Variants in ALK observed in about 807,000 individuals in gnomAD.
ALK encodes the protein ALK tyrosine kinase receptor.
A neutral mutation model predicts 163.1 loss-of-function variants in ALK; 74 were observed. The observed-to-expected ratio is 0.45, with a 90% CI of 0.38 to 0.55. The LOEUF (loss-of-function observed/expected upper bound fraction) is 0.55, where lower values mean the gene tolerates loss of function less well. Among genes scored for constraint, ALK ranks in the 20% least tolerant of loss-of-function variants. ALK has a pLI of 0.00. For synonymous variants in ALK, 960 were observed against 843.2 expected, an observed-to-expected ratio of 1.14 and a Z score of -2.40; for missense variants, 2,063 against 2,105.3, an observed-to-expected ratio of 0.98 and a Z score of 0.39.
intron 1 of ALK, among the ~76,000 whole-genome samples, chr2:29,883,053 A>G (rs941606064): frequency 6.6e-6 from 1 of 151,704 alleles, no homozygotes; most frequent in Non-Finnish European, 1.5e-5. Context: ...AAGGGAGCAG[A>G]GGGTGAGAGA....
chr2:29,480,660 G>T (rs1481036298), intron 4 of ALK, among the ~76,000 whole-genome samples: 1 of 152,032 alleles, frequency 6.6e-6, no homozygotes, highest in Non-Finnish European at 1.5e-5. Context: ...CAAGAGCAGA[G>T]GCCAGTCAGA....
chr2:29,653,172 G>A (rs926643858), intron 3 of ALK, among the ~76,000 whole-genome samples: 7 of 152,098 alleles, frequency 4.6e-5, no homozygotes, highest in African/African-American at 9.7e-5. Flanking sequence ...CTTGGTGTGC[G>A]GGGAAAATCT....
In ALK at chr2:29,634,754, G is replaced by C. The variant is rs78355819; in HGVS notation, c.952+60096C>G. 5.7e-3 allele frequency among the ~76,000 whole-genome samples: 870 copies of C among 152,226 alleles called. 8 individuals are homozygous for C. Among genetic ancestry groups the C allele is most frequent in the African/African-American group, 0.019 (772 of 41,536 alleles). ...ACGACTGCTATTCAATATAGTACTG[G>C]AAGTTATAGTCAGGGCAATAGGGCA... is the stretch of plus-strand genomic sequence containing the variant. On this transcript the variant is annotated intron_variant, in intron 3 of 28. Transcript: ENST00000389048.
At chr2:29,735,196 AG>A (rs1229755473) in intron 1 of ALK, among the ~76,000 whole-genome samples, 2 of 151,216 alleles carry the variant, frequency 1.3e-5, no homozygotes, top group Non-Finnish European at 2.9e-5. Flanking sequence ...AAAGCCCTAC[AG>A]GGGGTTCTGA....
chr2:29,294,126 G>A (rs1666116339), intron 9 of ALK, among the ~76,000 whole-genome samples: 1 of 152,212 alleles, frequency 6.6e-6, no homozygotes, highest in Non-Finnish European at 1.5e-5. Context: ...AGAGGTGGGA[G>A]GAAGAGAGTT....
chr2:29,196,943 G>A (rs1002176256), intron 27 of ALK, 83 bp from the exon 28 acceptor site: 8 of 1,202,076 alleles, frequency 6.7e-6, no homozygotes, highest in Admixed American at 1.8e-5. Context: ...GGGTTGCAAC[G>A]AATACGTTGA....
chr2:29,526,044 T>G lies in ALK; in HGVS notation c.1154+5871A>C, dbSNP rs149244308. Among the ~76,000 whole-genome samples the G allele has an allele frequency of 7.9e-5, 12 of 152,276 alleles. No individual in the cohort carries two copies. In the East Asian group the frequency reaches 1.9e-3, roughly 25 times the overall value. The stretch of plus-strand genomic sequence containing the variant: ...TATCTTGGAGAACACAAGTGGTTAC[T>G]CTGAGAAGGAGGGGTTTAAGTGAAA... On this transcript the variant is annotated intron_variant, in intron 4 of 28. Coordinates refer to ENST00000389048, the MANE Select transcript of ALK (RefSeq NM_004304.5).
intron 4 of ALK, among the ~76,000 whole-genome samples, chr2:29,422,746 G>A (rs895947435): frequency 4.6e-5 from 7 of 152,152 alleles, no homozygotes; most frequent in Non-Finnish European, 8.8e-5. Flanking sequence ...CTAAAGAAAG[G>A]AAGCATTTGG....
At chr2:29,568,607 A>T (rs1156695180) in intron 3 of ALK, among the ~76,000 whole-genome samples, 1 of 152,216 alleles carries the variant, frequency 6.6e-6, no homozygotes, top group Non-Finnish European at 1.5e-5. Flanking sequence ...CCTGGGTACC[A>T]GATTGTCTCC....
intron 1 of ALK, among the ~76,000 whole-genome samples, chr2:29,774,742 C>G (rs764576437): frequency 6.6e-6 from 1 of 152,136 alleles, no homozygotes; most frequent in Non-Finnish European, 1.5e-5. Context: ...ATGCGAAAGG[C>G]ACCACTCTAG....
At chr2:29,564,632 T>G (rs1674126815) in intron 3 of ALK, among the ~76,000 whole-genome samples, 1 of 152,120 alleles carries the variant, frequency 6.6e-6, no homozygotes, top group South Asian at 2.1e-4. Flanking sequence ...AAAATAGAAA[T>G]GATAAAAGGC....
Position 29,200,835 on chromosome 2 carries a change from ATG to A in ALK, c.3939-3161_3939-3160del, listed in dbSNP as rs1196566024. On this transcript the variant is annotated intron_variant, in intron 26 of 28. Coordinates refer to ENST00000389048, the MANE Select transcript of ALK (RefSeq NM_004304.5). Reference sequence around the variant, plus strand: ...TGTATATACATATATACGTATATATATGTGTGTGTATATAGATACGTATATAT... The same window carrying A: ...TGTATATACATATATACGTATATATATGTGTGTATATAGATACGTATATAT... Among the ~76,000 whole-genome samples, 400 of 128,972 alleles carry A rather than the reference ATG, an allele frequency of 3.1e-3. 6 individuals are homozygous for A. Among genetic ancestry groups the A allele is most frequent in the Non-Finnish European group, 5.1e-3 (292 of 57,760 alleles). 84.6% of individuals were successfully genotyped at this position (128,972 alleles called of 152,430 possible).
At position 29,873,266 on chromosome 2, in the gene ALK, C is replaced by G. The variant is rs1030691351; in HGVS notation, c.667+46727G>C. ...GAATTTGGTGGCTTGATTTCAGATG[C>G]CTCTTCTCCTCAATACTCCCAAATA... On this transcript the variant is annotated intron_variant, in intron 1 of 28. Transcript: ENST00000389048. 2.6e-5 allele frequency among the ~76,000 whole-genome samples: 4 copies of G among 152,174 alleles called. No individual in the cohort carries two copies. In the East Asian group the frequency reaches 5.8e-4, roughly 22 times the overall value.
intron 4 of ALK, among the ~76,000 whole-genome samples, chr2:29,512,891 A>G (rs1316506770): frequency 7.0e-6 from 1 of 142,122 alleles, no homozygotes; most frequent in African/African-American, 2.7e-5. Flanking sequence ...GTGAACTCCC[A>G]TTCACAATTG....
chr2:29,802,527 A>AGGGGAGG (rs1664505576), intron 1 of ALK, among the ~76,000 whole-genome samples: 12 of 1,054 alleles, frequency 0.011, no homozygotes, highest in African/African-American at 0.018. Context: ...GGGAGGGGAG[A>AGGGGAGG]GGAGGGGAGA....
chr2:29,214,969 G>T (rs964916102), intron 23 of ALK, among the ~76,000 whole-genome samples: 1 of 152,162 alleles, frequency 6.6e-6, no homozygotes, highest in Non-Finnish European at 1.5e-5. Context: ...GTGTTGCGTG[G>T]CTGATTGGTT....
intron 4 of ALK, among the ~76,000 whole-genome samples, chr2:29,418,820 A>G (rs1669945002): frequency 6.8e-6 from 1 of 147,106 alleles, no homozygotes; most frequent in Non-Finnish European, 1.5e-5. Flanking sequence ...ATAGGAAAAT[A>G]GAGATAAAGG....
At chr2:29,688,982 C>G (rs916473463) in intron 3 of ALK, among the ~76,000 whole-genome samples, 1 of 152,156 alleles carries the variant, frequency 6.6e-6, no homozygotes, top group African/African-American at 2.4e-5. Flanking sequence ...AATGGCAGCA[C>G]TTTTGGGAGA....
chr2:29,766,974 G>GA (rs1387659616), intron 1 of ALK, among the ~76,000 whole-genome samples: 1 of 152,090 alleles, frequency 6.6e-6, no homozygotes, highest in Non-Finnish European at 1.5e-5. Context: ...CCCCTCTCTG[G>GA]AAAAACAGCA....
Sources: allele counts gnomAD v4.1 joint callset (sites outside exome capture counted in the v4.1 genomes callset), GRCh38; gene constraint gnomAD v4.1.1; transcripts MANE v1.5; gene names NCBI Gene and HGNC (gene_info 2026-07-23, HGNC 2026-07-21).